MDM4: variants seen among roughly 807,000 people sequenced by gnomAD.
MDM4 encodes the protein protein Mdm4.
MDM4 carries 2 observed loss-of-function variants against 60.2 expected under a neutral mutation model. The observed-to-expected ratio is 0.03, with a 90% confidence interval of 0.01 to 0.10. The LOEUF (loss-of-function observed/expected upper bound fraction) is 0.10. Among genes scored for constraint, MDM4 ranks in the 10% least tolerant of loss-of-function variants. MDM4 has a pLI of 1.00. For missense variants in MDM4, 447 were observed against 577.5 expected (o/e 0.77, Z 2.32); for synonymous variants, 202 against 198.1 (o/e 1.02, Z -0.17).
rs1204619968 is a variant in MDM4, at chr1:204,557,152, T to C, written c.*7470T>C. The C allele has an allele frequency of 1.0e-5, 2 of 197,754 alleles. No homozygotes were observed. The highest frequency in any genetic ancestry group is 2.1e-5 in the Non-Finnish European group (2 of 95,456). 12.2% of individuals were successfully genotyped at this position (197,754 alleles called of 1,614,324 possible). On this transcript the variant is annotated 3_prime_UTR_variant, in exon 11 of 11. Transcript: ENST00000367182. Reference sequence around the variant, plus strand: ...CTATTATGCTCTTGGTGTACCAAGCTCTGGGGTATATATTCAGAATACCTC... The same window carrying C: ...CTATTATGCTCTTGGTGTACCAAGCCCTGGGGTATATATTCAGAATACCTC...
At chr1:204,520,776 T>A (rs929331329) in intron 1 of MDM4, among the ~76,000 whole-genome samples, 1 of 152,158 alleles carries the variant, frequency 6.6e-6, no homozygotes, top group Non-Finnish European at 1.5e-5. Flanking sequence ...ATCAGGAGAC[T>A]GAGGTGGGAG....
chr1:204,518,032 T>A (rs1443454015), intron 1 of MDM4, among the ~76,000 whole-genome samples: 3 of 152,052 alleles, frequency 2.0e-5, no homozygotes, highest in Non-Finnish European at 4.4e-5. Flanking sequence ...AGAGCGAGCT[T>A]CCAGTCCCAG....
rs2102471249 is a variant in MDM4, at chr1:204,552,374, G to C, written c.*2692G>C. On this transcript the variant is annotated 3_prime_UTR_variant, in exon 11 of 11. Coordinates refer to ENST00000367182, the MANE Select transcript of MDM4 (RefSeq NM_002393.5). ...GTCTCACTCTGTTGCCCAGGCTGGA[G>C]TGCAATGGCATGATCTCTGCTCACC... 7.0e-6 allele frequency: 1 copy of C among 143,058 alleles called. No individual in the cohort carries two copies. Among genetic ancestry groups the C allele is most frequent in the Middle Eastern group, 3.9e-3 (1 of 258 alleles). 8.9% of individuals were successfully genotyped at this position (143,058 alleles called of 1,614,324 possible). A position where few individuals can be genotyped will look rare whatever the true frequency, so the allele number is the denominator to read the frequency against.
chr1:204,532,728 C>G (rs1167112897), intron 5 of MDM4: 2 of 1,601,882 alleles, frequency 1.2e-6, no homozygotes, highest in South Asian at 2.3e-5. Context: ...ATCTATAAAA[C>G]TTAACTTTCC....
intron 5 of MDM4, chr1:204,532,807 G>C: frequency 6.2e-7 from 1 of 1,611,662 alleles, no homozygotes. Context: ...CCACGCTCTA[G>C]AGTTGGCAGA....
At chr1:204,535,422 A>T (rs1002661010) in intron 5 of MDM4, among the ~76,000 whole-genome samples, 1 of 151,944 alleles carries the variant, frequency 6.6e-6, no homozygotes, top group East Asian at 1.9e-4. Flanking sequence ...CTCCTAAAGT[A>T]CTGGGATTAC....
chr1:204,530,921 A>C, intron 4 of MDM4, 104 bp downstream of exon 4: 6 of 1,421,886 alleles, frequency 4.2e-6, no homozygotes, highest in Non-Finnish European at 5.9e-6. Context: ...AATATGTAAG[A>C]GCCTACATAT....
intron 5 of MDM4, chr1:204,536,856 T>C (rs1030076406): frequency 3.4e-6 from 1 of 292,144 alleles, no homozygotes; most frequent in East Asian, 1.2e-4. Flanking sequence ...ATGAAAAAAA[T>C]TAATTTATAT....
chr1:204,549,190 G>A lies in MDM4; in HGVS notation c.981G>A (p.Arg327=). The A allele has an allele frequency of 1.2e-6, 2 of 1,613,994 alleles. No homozygotes were observed. The highest frequency in any genetic ancestry group is 2.2e-5 in the South Asian group (2 of 91,076). Residue 327 remains arginine (R), a synonymous_variant, in exon 11 of 11, where the codon AGG becomes AGA. Coordinates refer to ENST00000367182, the MANE Select transcript of MDM4 (RefSeq NM_002393.5). ...KRYCFRCWAL[R]KDWYSDCSKL... is the part of the protein sequence containing the mutation. ...ACTGTTTTCGTTGTTGGGCCTTGAG[G>A]AAGGATTGGTATTCAGATTGTTCAA...
intron 3 of MDM4, among the ~76,000 whole-genome samples, chr1:204,529,968 C>A (rs1660699408): frequency 6.6e-6 from 1 of 152,122 alleles, no homozygotes; most frequent in South Asian, 2.1e-4. Flanking sequence ...CCTCCGCTTC[C>A]CAGGTTCAAG....
At chr1:204,532,858 C>T in intron 5 of MDM4, 1 of 1,591,340 alleles carries the variant, frequency 6.3e-7, no homozygotes, top group Non-Finnish European at 8.5e-7. Flanking sequence ...TCTTTACCCT[C>T]TCTATTTTTG....
chr1:204,534,728 G>GAA (rs1661220908), intron 5 of MDM4, among the ~76,000 whole-genome samples: 1 of 152,152 alleles, frequency 6.6e-6, no homozygotes, highest in African/African-American at 2.4e-5. Flanking sequence ...CAGGACTCAA[G>GAA]CGATCCCCCT....
At position 204,556,977 on chromosome 1, in the gene MDM4, G is replaced by T. The variant is rs1274488559; in HGVS notation, c.*7295G>T. ...GTAGAGGTAGAGTTAAGTATTGAGT[G>T]CCAGTCTTGACGTCCGTATGCCTCA... On this transcript the variant is annotated 3_prime_UTR_variant, in exon 11 of 11. Transcript: ENST00000367182. 4.8e-6 allele frequency: 1 copy of T among 208,392 alleles called. No individual in the cohort carries two copies. The highest frequency in any genetic ancestry group is 2.3e-5 in the African/African-American group (1 of 43,898). 12.9% of individuals were successfully genotyped at this position (208,392 alleles called of 1,614,324 possible).
chr1:204,543,258 A>G (rs1355966551), intron 8 of MDM4, among the ~76,000 whole-genome samples: 1 of 152,164 alleles, frequency 6.6e-6, no homozygotes, highest in Non-Finnish European at 1.5e-5. Context: ...CCCAGCCTAT[A>G]ACACTGGGAG....
At chr1:204,525,665 C>A in intron 2 of MDM4, 69 bp downstream of exon 2, 1 of 1,046,922 alleles carries the variant, frequency 9.6e-7, no homozygotes, top group Non-Finnish European at 1.4e-6. Context: ...GTTTAGCTGT[C>A]TCATGACTGT....
At position 204,548,994 on chromosome 1, in the gene MDM4, G is replaced by A. The variant is rs1662943539; in HGVS notation, c.904-119G>A. 3 of 681,192 alleles carry A rather than the reference G, an allele frequency of 4.4e-6. No homozygotes were observed. In the East Asian group the frequency reaches 7.8e-5, roughly 18 times the overall value. The allele number at this position is 681,192 out of a possible 1,614,324, so 42.2% of individuals were successfully genotyped here. A position where few individuals can be genotyped will look rare whatever the true frequency, so the allele number is the denominator to read the frequency against. On this transcript the variant is annotated intron_variant, in intron 10 of 10. Transcript: ENST00000367182. The stretch of plus-strand genomic sequence containing the variant: ...GCTGTAGAATTTGCTCAAATCCTAG[G>A]CTAGATCACTGGTGTGGAATAGCTT...
intron 5 of MDM4, among the ~76,000 whole-genome samples, chr1:204,536,437 G>T (rs1011145697): frequency 1.3e-5 from 2 of 152,114 alleles, no homozygotes; most frequent in Admixed American, 6.5e-5. Flanking sequence ...CAATAGAACC[G>T]CATTGACAGA....
At chr1:204,532,401 T>C (rs1444811077) in intron 5 of MDM4, 155 bp downstream of exon 5, 2 of 596,318 alleles carry the variant, frequency 3.4e-6, no homozygotes, top group African/African-American at 3.8e-5. Flanking sequence ...TGTTATGTTA[T>C]TAACTTTTTA....
Position 204,553,406 on chromosome 1 carries a change from C to A in MDM4, c.*3724C>A. The A allele has an allele frequency of 4.4e-6, 1 of 226,046 alleles. No homozygotes were observed. The highest frequency in any genetic ancestry group is 1.8e-4 in the South Asian group (1 of 5,470). 14.0% of individuals were successfully genotyped at this position (226,046 alleles called of 1,614,324 possible). A position where few individuals can be genotyped will look rare whatever the true frequency, so the allele number is the denominator to read the frequency against. On this transcript the variant is annotated 3_prime_UTR_variant, in exon 11 of 11. Coordinates refer to ENST00000367182, the MANE Select transcript of MDM4 (RefSeq NM_002393.5). ...CCAAATTGCTCCCATTTTTCTGCAT[C>A]CCACCTGGTTTCTTTCTGCATGTCC...
Sources: allele counts gnomAD v4.1 joint callset (sites outside exome capture counted in the v4.1 genomes callset), GRCh38; gene constraint gnomAD v4.1.1; transcripts MANE v1.5; gene names NCBI Gene and HGNC (gene_info 2026-07-23, HGNC 2026-07-21).